The following ATG2B variants were observed in gnomAD, a reference collection of about 807,000 sequenced individuals.
ATG2B encodes the protein autophagy related 2B.
In ATG2B, 121 loss-of-function variants were observed where a neutral mutation model predicts 241.3. That is an observed-to-expected ratio of 0.50 (90% CI 0.43 to 0.58). The LOEUF is 0.58. Among genes scored for constraint, ATG2B ranks in the 20% least tolerant of loss-of-function variants. The pLI, the probability that ATG2B is intolerant of heterozygous loss-of-function variation, is 0.00. For missense variants in ATG2B, 2,306 were observed against 2,491.6 expected (o/e 0.93, Z 1.59); for synonymous variants, 858 against 876.6 (o/e 0.98, Z 0.37).
At position 96,324,402 on chromosome 14, in the gene ATG2B, C is replaced by T. The variant is rs560943502; in HGVS notation, c.2438-404G>A. ...CACCTCTGTTCAAAATAATTCTACA[C>T]GGGCTGGGCGCGGTGACTCACACCT... On this transcript the variant is annotated intron_variant, in intron 15 of 41. Transcript: ENST00000359933. Among the ~76,000 whole-genome samples, 8 of 152,166 alleles carry T rather than the reference C, an allele frequency of 5.3e-5. No individual in the cohort carries two copies. In the East Asian group the frequency reaches 1.2e-3, roughly 22 times the overall value.
rs755581248 is a variant in ATG2B, at chr14:96,306,847, C to T, written c.4373G>A (p.Ser1458Asn). 3 of 1,614,018 alleles carry T rather than the reference C, an allele frequency of 1.9e-6. No individual in the cohort carries two copies. Among genetic ancestry groups the T allele is most frequent in the Non-Finnish European group, 2.5e-6 (3 of 1,180,028 alleles). Residue 1458 changes from serine (S) to asparagine (N), a missense_variant, in exon 30 of 42, where the codon AGT becomes AAT. Transcript: ENST00000359933. ...GCCGGACTCCTGGGATACATTCCCACTCTCGTCAGGAAACAGGAAGAGGTC... is the reference window on the plus strand; with the variant it reads ...GCCGGACTCCTGGGATACATTCCCATTCTCGTCAGGAAACAGGAAGAGGTC... ...CSDLFLFPDE[S>N]GNVSQESGPT...
In ATG2B at chr14:96,311,081, T is replaced by C. The variant is rs765982880; in HGVS notation, c.4161+36A>G. 15 of 1,549,090 alleles carry C rather than the reference T, an allele frequency of 9.7e-6. No homozygotes were observed. In the South Asian group the frequency reaches 1.2e-4, roughly 13 times the overall value. ...TCAATAATGTAAACATGTCACGACA[T>C]GGCAGGGACTGGAGGAATCACATTG... On this transcript the variant is annotated intron_variant, in intron 28 of 41. Transcript: ENST00000359933.
chr14:96,308,092 G>A (rs1216559699), intron 29 of ATG2B, among the ~76,000 whole-genome samples: 1 of 149,532 alleles, frequency 6.7e-6, no homozygotes, highest in African/African-American at 2.5e-5. Context: ...AAGCCACCCA[G>A]TAAATAATCA....
chr14:96,296,373 C>A (rs1011412629), intron 34 of ATG2B, among the ~76,000 whole-genome samples: 8 of 152,132 alleles, frequency 5.3e-5, no homozygotes, highest in African/African-American at 1.7e-4. Context: ...CCATTATAGG[C>A]AGCTTCGTTT....
chr14:96,341,092 T>C (rs1448633312), intron 6 of ATG2B, among the ~76,000 whole-genome samples: 2 of 152,290 alleles, frequency 1.3e-5, no homozygotes, highest in Middle Eastern at 3.4e-3. Context: ...TAGATATTTT[T>C]ACATACATAT....
intron 1 of ATG2B, among the ~76,000 whole-genome samples, chr14:96,362,614 T>C (rs762345100): frequency 6.6e-6 from 1 of 150,778 alleles, no homozygotes; most frequent in Non-Finnish European, 1.5e-5. Context: ...TGTTAAAGTT[T>C]CCGGAACACG....
intron 34 of ATG2B, among the ~76,000 whole-genome samples, chr14:96,297,884 T>C (rs1460864401): frequency 1.3e-5 from 2 of 151,934 alleles, no homozygotes; most frequent in Non-Finnish European, 2.9e-5. Flanking sequence ...CTCCACCTCC[T>C]GAGTTCAAGC....
At chr14:96,361,147 G>A (rs1014914567) in intron 1 of ATG2B, among the ~76,000 whole-genome samples, 3 of 152,014 alleles carry the variant, frequency 2.0e-5, no homozygotes, top group African/African-American at 7.3e-5. Context: ...ATCATCCTCA[G>A]ATTAAGTTTA....
At chr14:96,351,921 A>G (rs1888334964) in intron 1 of ATG2B, among the ~76,000 whole-genome samples, 1 of 151,932 alleles carries the variant, frequency 6.6e-6, no homozygotes, top group Admixed American at 6.6e-5. Flanking sequence ...AAAAAGAAAA[A>G]AAAATTTTTA....
At chr14:96,308,083 A>G (rs964352433) in intron 29 of ATG2B, among the ~76,000 whole-genome samples, 1 of 150,604 alleles carries the variant, frequency 6.6e-6, no homozygotes, top group Non-Finnish European at 1.5e-5. Flanking sequence ...TGTATATTGA[A>G]GCCACCCAGT....
At position 96,328,368 on chromosome 14, in the gene ATG2B, T is replaced by C. The variant is rs746065484; in HGVS notation, c.2142A>G (p.Ser714=). The C allele has an allele frequency of 2.5e-6, 4 of 1,608,358 alleles. No individual in the cohort carries two copies. Among genetic ancestry groups the C allele is most frequent in the South Asian group, 1.1e-5 (1 of 90,214 alleles). Residue 714 remains serine, a synonymous_variant, in exon 14 of 42, where the codon TCA becomes TCG. Transcript: ENST00000359933. ...TTACCAGACTAATATGTTTATTATA[T>C]GAAGTATACATGTGGGATGCCATCA... ...VEMMASHMYT[S]YNKHISLHKA...
At chr14:96,347,702 CAT>C (rs1273997134) in intron 1 of ATG2B, among the ~76,000 whole-genome samples, 1 of 152,134 alleles carries the variant, frequency 6.6e-6, no homozygotes, top group African/African-American at 2.4e-5. Flanking sequence ...CAAAAGAAGA[CAT>C]AAAATGGCAA....
chr14:96,349,385 A>C (rs1888255245), intron 1 of ATG2B, among the ~76,000 whole-genome samples: 1 of 152,224 alleles, frequency 6.6e-6, no homozygotes, highest in Admixed American at 6.5e-5. Flanking sequence ...CTTAAGGGTG[A>C]TGTGAAGCCA....
intron 6 of ATG2B, among the ~76,000 whole-genome samples, chr14:96,341,276 G>A (rs1888027128): frequency 6.6e-6 from 1 of 152,142 alleles, no homozygotes; most frequent in Non-Finnish European, 1.5e-5. Flanking sequence ...CGGAATACGG[G>A]AGAGTGAGTG....
At chr14:96,301,543 CCA>C (rs1437956484) in intron 34 of ATG2B, among the ~76,000 whole-genome samples, 1 of 152,176 alleles carries the variant, frequency 6.6e-6, no homozygotes, top group African/African-American at 2.4e-5. Context: ...GTGCCCAACT[CCA>C]GTTTTTTTTA....
Position 96,315,368 on chromosome 14 carries a change from A to G in ATG2B, c.3561+16T>C. On this transcript the variant is annotated intron_variant, in intron 22 of 41. Coordinates refer to ENST00000359933, the MANE Select transcript of ATG2B (RefSeq NM_018036.7). ...AGAATCAAATCAACAGTGGCATAAA[A>G]GTACAAAACACAAACCTTTGTATTG... 1 of 1,611,316 alleles carries G rather than the reference A, an allele frequency of 6.2e-7. No homozygotes were observed. Among genetic ancestry groups the G allele is most frequent in the Non-Finnish European group, 8.5e-7 (1 of 1,177,800 alleles).
intron 38 of ATG2B, 56 bp downstream of exon 38, chr14:96,291,544 G>T: frequency 7.5e-7 from 1 of 1,332,232 alleles, no homozygotes; most frequent in South Asian, 1.3e-5. Flanking sequence ...TTTTAAATTT[G>T]TTGTACACTA....
chr14:96,281,180 T>A lies in ATG2B; in HGVS notation c.*4575A>T, dbSNP rs1886189276. 1 of 152,222 alleles carries A rather than the reference T, an allele frequency of 6.6e-6. No homozygotes were observed. The highest frequency in any genetic ancestry group is 2.1e-4 in the South Asian group (1 of 4,836). 9.4% of individuals were successfully genotyped at this position (152,222 alleles called of 1,614,324 possible). A position where few individuals can be genotyped will look rare whatever the true frequency, so the allele number is the denominator to read the frequency against. The stretch of plus-strand genomic sequence containing the variant: ...TCCCAATAACAAGGTCTGAGGCAGA[T>A]GTACACCCCACCCCAATAAGTATTT... On this transcript the variant is annotated 3_prime_UTR_variant, in exon 42 of 42. Transcript: ENST00000359933.
intron 1 of ATG2B, among the ~76,000 whole-genome samples, chr14:96,362,080 T>C (rs1356686791): frequency 6.6e-6 from 1 of 151,862 alleles, no homozygotes; most frequent in Non-Finnish European, 1.5e-5. Flanking sequence ...TAGCAATGAG[T>C]GAATTCACAG....
Sources: allele counts gnomAD v4.1 joint callset (sites outside exome capture counted in the v4.1 genomes callset), GRCh38; gene constraint gnomAD v4.1.1; transcripts MANE v1.5; gene names NCBI Gene and HGNC (gene_info 2026-07-23, HGNC 2026-07-21).